The following VWA3A variants were observed in gnomAD, a reference collection of about 807,000 sequenced individuals.
VWA3A encodes the protein von Willebrand factor A domain-containing protein 3A.
VWA3A carries 134 observed loss-of-function variants against 160.4 expected under a neutral mutation model. The ratio of observed to expected loss-of-function variants is 0.84; its 90% CI spans 0.73 to 0.96. The LOEUF is 0.96. Ranked by LOEUF, VWA3A falls within the 40% of genes least tolerant of loss-of-function variation. The probability of loss-of-function intolerance (pLI) is 0.00; values close to 1 mark genes in which losing one functional copy is unlikely to be tolerated. For missense variants in VWA3A, 1,310 were observed against 1,447.9 expected, an observed-to-expected ratio of 0.90 and a Z score of 1.55; for synonymous variants, 476 against 543.4, an observed-to-expected ratio of 0.88 and a Z score of 1.72.
At position 22,141,666 on chromosome 16, in the gene VWA3A, T is replaced by C; in HGVS notation, c.2468T>C (p.Phe823Ser). Reference sequence around the variant, plus strand: ...GAAGCAGAGACATCTCTTTTACTGTTCTACACAGAGAAAGGGAATGACGTG... The same window carrying C: ...GAAGCAGAGACATCTCTTTTACTGTCCTACACAGAGAAAGGGAATGACGTG... ...SREAETSLLL[F>S]YTEKGNDVGS... The change falls in exon 24 of 34, where the codon TTC becomes TCC. Residue 823 changes from phenylalanine (F) to serine (S), a missense_variant. Coordinates refer to ENST00000389398, the MANE Select transcript of VWA3A (RefSeq NM_173615.5). The C allele has an allele frequency of 6.2e-7, 1 of 1,610,902 alleles. No homozygotes were observed. Among genetic ancestry groups the C allele is most frequent in the Non-Finnish European group, 8.5e-7 (1 of 1,178,652 alleles).
intron 21 of VWA3A, among the ~76,000 whole-genome samples, chr16:22,135,219 G>T (rs2046018504): frequency 8.2e-6 from 1 of 121,592 alleles, no homozygotes; most frequent in Non-Finnish European, 1.6e-5. Flanking sequence ...TGAGAAGATG[G>T]CTTAGAGGAG....
intron 12 of VWA3A, among the ~76,000 whole-genome samples, chr16:22,120,463 TTAA>T (rs1181666280): frequency 1.3e-5 from 2 of 152,296 alleles, no homozygotes; most frequent in Middle Eastern, 3.4e-3. Context: ...TCTTAAAATA[TTAA>T]TAATAATACA....
rs376124232 is a variant in VWA3A at position 22,140,189 on chromosome 16, C to T, written c.2328C>T (p.Pro776=). ...ATGACCCTGACAGAGAGAAGAGCCCCCCGCTGAAATCTCTGAAATGGCGTC... is the reference window on the plus strand; with the variant it reads ...ATGACCCTGACAGAGAGAAGAGCCCTCCGCTGAAATCTCTGAAATGGCGTC... The part of the protein sequence containing the change: ...IKDDPDREKS[P]PLKSLKWRPL... The change falls in exon 23 of 34, where the codon CCC becomes CCT. Residue 776 remains proline, a synonymous_variant. Transcript: ENST00000389398. The T allele has an allele frequency of 1.4e-5, 23 of 1,613,606 alleles. No individual in the cohort carries two copies. Among genetic ancestry groups the T allele is most frequent in the Non-Finnish European group, 1.9e-5 (22 of 1,179,810 alleles).
chr16:22,131,152 C>A, intron 17 of VWA3A, 53 bp from the exon 18 acceptor site: 5 of 1,562,142 alleles, frequency 3.2e-6, no homozygotes, highest in Non-Finnish European at 4.4e-6. Context: ...AAGAGGTGGG[C>A]CACCAAGTGG....
At position 22,148,303 on chromosome 16, in the gene VWA3A, A is replaced by G. The variant is rs1158628270; in HGVS notation, c.2981A>G (p.Asp994Gly). The G allele has an allele frequency of 1.9e-6, 3 of 1,594,200 alleles. No homozygotes were observed. The highest frequency in any genetic ancestry group is 2.6e-6 in the Non-Finnish European group (3 of 1,170,646). ...TGGGAACAGCTGCGGAAGTGCTGTG[A>G]CAGGTAGGAGGCGAGGGCTGATCAG... The part of the protein sequence containing the change: ...LIWEQLRKCC[D>G]SFNLLSFAES... Residue 994 changes from aspartate (D) to glycine (G), a missense_variant, in exon 28 of 34, where the codon GAC becomes GGC. Coordinates refer to ENST00000389398, the MANE Select transcript of VWA3A (RefSeq NM_173615.5).
intron 5 of VWA3A, among the ~76,000 whole-genome samples, chr16:22,101,838 A>G (rs769100589): frequency 1.3e-5 from 2 of 152,206 alleles, no homozygotes; most frequent in African/African-American, 4.8e-5. Context: ...ATTTTAAGGA[A>G]TGTTCAAGTC....
At position 22,103,467 on chromosome 16, in the gene VWA3A, C is replaced by T; in HGVS notation, c.429-8C>T. On this transcript the variant is annotated splice_region_variant and splice_polypyrimidine_tract_variant and intron_variant, in intron 5 of 33. Transcript: ENST00000389398. ...CTTGGGTGATGAGTCTTTCTGATGT[C>T]TTGACAGCACTATTGAAGTCTATCA... The T allele has an allele frequency of 6.4e-7, 1 of 1,551,468 alleles. No homozygotes were observed. Among genetic ancestry groups the T allele is most frequent in the South Asian group, 1.2e-5 (1 of 84,028 alleles).
chr16:22,107,765 G>A (rs1441487941), intron 6 of VWA3A, among the ~76,000 whole-genome samples: 1 of 152,164 alleles, frequency 6.6e-6, no homozygotes. Flanking sequence ...CCTGGAGTGG[G>A]ACCTGAGACT....
chr16:22,151,392 C>G (rs1371157714), intron 30 of VWA3A, among the ~76,000 whole-genome samples: 1 of 152,230 alleles, frequency 6.6e-6, no homozygotes, highest in African/African-American at 2.4e-5. Flanking sequence ...AGATATTTCC[C>G]TCTGACTTCC....
At chr16:22,113,966 A>G (rs1014802352) in intron 8 of VWA3A, among the ~76,000 whole-genome samples, 3 of 152,046 alleles carry the variant, frequency 2.0e-5, no homozygotes, top group Non-Finnish European at 4.4e-5. Flanking sequence ...TACTTCTATA[A>G]TCATGCAATT....
At chr16:22,127,966 G>C (rs1331305856) in intron 17 of VWA3A, among the ~76,000 whole-genome samples, 4 of 152,162 alleles carry the variant, frequency 2.6e-5, no homozygotes, top group African/African-American at 7.2e-5. Flanking sequence ...GCTGAGTCTT[G>C]ATGAATAAGT....
chr16:22,120,460 ATAT>A (rs1426140774), intron 12 of VWA3A, among the ~76,000 whole-genome samples: 6 of 152,250 alleles, frequency 3.9e-5, no homozygotes, highest in East Asian at 1.9e-4. Context: ...GATTCTTAAA[ATAT>A]TAATAATAAT....
chr16:22,120,876 T>G, intron 12 of VWA3A, 92 bp from the exon 13 acceptor site: 1 of 1,494,278 alleles, frequency 6.7e-7, no homozygotes, highest in South Asian at 1.2e-5. Flanking sequence ...TTTAAGAAGC[T>G]CCACTTGCAT....
intron 31 of VWA3A, among the ~76,000 whole-genome samples, chr16:22,154,245 A>G (rs2142038200): frequency 6.6e-6 from 1 of 151,820 alleles, no homozygotes; most frequent in Middle Eastern, 3.4e-3. Context: ...AGATTCTCTG[A>G]ATTGTTTTTG....
intron 6 of VWA3A, among the ~76,000 whole-genome samples, chr16:22,108,264 C>T (rs1199176547): frequency 6.6e-6 from 1 of 152,100 alleles, no homozygotes; most frequent in African/African-American, 2.4e-5. Context: ...AATATTATAA[C>T]CTGTTTGTAT....
At chr16:22,153,198 T>C (rs2142035338) in intron 31 of VWA3A, among the ~76,000 whole-genome samples, 1 of 152,164 alleles carries the variant, frequency 6.6e-6, no homozygotes, top group South Asian at 2.1e-4. Flanking sequence ...ATACAAAAAT[T>C]AGCCAGGCAT....
intron 27 of VWA3A, 46 bp downstream of exon 27, chr16:22,146,390 G>A (rs201498759): frequency 2.4e-5 from 38 of 1,556,630 alleles, no homozygotes; most frequent in Admixed American, 1.1e-4. Context: ...ATGAGGGGAT[G>A]TAGAAGGCTA....
At chr16:22,115,967 GGAGGGAGA>G (rs2045633717) in intron 9 of VWA3A, among the ~76,000 whole-genome samples, 8 of 93,956 alleles carry the variant, frequency 8.5e-5, no homozygotes, top group African/African-American at 2.9e-4. Context: ...AGGGAGGGAG[GGAGGGAGA>G]GAGAGAGAGA....
rs1251687583 is a variant in VWA3A, at chr16:22,121,599, A to G, written c.1338A>G (p.Val446=). 3 of 1,612,066 alleles carry G rather than the reference A, an allele frequency of 1.9e-6. No homozygotes were observed. The highest frequency in any genetic ancestry group is 2.5e-6 in the Non-Finnish European group (3 of 1,178,342). ...TTGTACCTATTCTCCAGAAAACAGT[A>G]TCATCGACCATCCATGAGGTAATTC... ...EEFVPILQKT[V]SSTIHEKAMI... is the part of the protein sequence containing the mutation. The change falls in exon 14 of 34, where the codon GTA becomes GTG. Residue 446 remains valine, a synonymous_variant. Transcript: ENST00000389398.
Sources: gnomAD v4.1 joint callset for allele counts (sites outside exome capture counted in the v4.1 genomes callset) on GRCh38, gnomAD v4.1.1 for gene constraint, MANE v1.5 for transcripts, NCBI Gene and HGNC (gene_info 2026-07-23, HGNC 2026-07-21) for gene names.